Variants in IFT140 observed in about 807,000 individuals in gnomAD.
IFT140 encodes intraflagellar transport 140.
In IFT140, 133 loss-of-function variants were observed where a neutral mutation model predicts 164.6. The ratio of observed to expected loss-of-function variants is 0.81; its 90% CI spans 0.70 to 0.93. IFT140 has a LOEUF of 0.93. Among genes scored for constraint, IFT140 ranks in the 40% least tolerant of loss-of-function variants. IFT140 has a pLI of 0.00. For missense variants in IFT140, 2,045 were observed against 1,972.3 expected, an observed-to-expected ratio of 1.04 and a Z score of -0.70; for synonymous variants, 860 against 817.3, an observed-to-expected ratio of 1.05 and a Z score of -0.89.
chr16:1,558,303 G>A (rs2033218115), intron 18 of IFT140, among the ~76,000 whole-genome samples, 169 bp from the exon 19 acceptor site: 1 of 152,196 alleles, frequency 6.6e-6, no homozygotes. Context: ...AAACTTTTAG[G>A]GTCACTGGCA....
rs1359636840 is a variant in IFT140, at chr16:1,564,167, A to G, written c.1902-5T>C. 1 of 1,557,186 alleles carries G rather than the reference A, an allele frequency of 6.4e-7. No individual in the cohort carries two copies. Among genetic ancestry groups the G allele is most frequent in the African/African-American group, 1.4e-5 (1 of 73,068 alleles). Reference sequence around the variant, plus strand: ...TCATCCACAAAGAGGTGGCTCCTAAAAGACAAAGGAAGACCCGTTTCAACC... The same window carrying G: ...TCATCCACAAAGAGGTGGCTCCTAAGAGACAAAGGAAGACCCGTTTCAACC... On this transcript the variant is annotated splice_polypyrimidine_tract_variant and splice_region_variant and intron_variant, in intron 16 of 30. Transcript: ENST00000426508. The surrounding 1 kb of genome is among the most constrained non-coding windows in gnomAD (Gnocchi z 5.5).
rs374245105 is a variant in IFT140, at chr16:1,525,953, C to T, written c.2702G>A (p.Arg901His). ...CCCGGCATAGCGGTGGTAGGTGCTG[C>T]GCAGGTGCACGCGATCGTGGTGCTC... ...VAEHHDRVHL[R>H]STYHRYAGHL... Residue 901 changes from arginine to histidine, a missense_variant, in exon 21 of 31, where the codon CGC becomes CAC. Coordinates refer to ENST00000426508, the MANE Select transcript of IFT140 (RefSeq NM_014714.4). The T allele has an allele frequency of 7.6e-6, 12 of 1,579,760 alleles. No individual in the cohort carries two copies. The highest frequency in any genetic ancestry group is 5.8e-5 in the South Asian group (5 of 86,368).
rs766515079 is a variant in IFT140 at position 1,526,741 on chromosome 16, C to T, written c.2455G>A (p.Val819Met). 1.1e-5 allele frequency: 17 copies of T among 1,609,696 alleles called. No homozygotes were observed. The highest frequency in any genetic ancestry group is 8.4e-5 in the Admixed American group (5 of 59,676). The change falls in exon 20 of 31, where the codon GTG becomes ATG. Residue 819 changes from valine (V) to methionine (M), a missense_variant. Transcript: ENST00000426508. ...RMCVKTQRLD[V>M]AKVCLGNMGH... ...ATGTTCCCCAGGCACACCTTGGCCA[C>T]GTCCAGCCGCTGGGTCTTCACGCAC...
intron 19 of IFT140, chr16:1,532,769 T>A (rs2030638404): frequency 6.6e-6 from 1 of 152,182 alleles, no homozygotes. Context: ...TAGGAGACCC[T>A]CTCGTGGTGT....
chr16:1,518,939 C>G (rs573438247), intron 29 of IFT140, among the ~76,000 whole-genome samples: 2 of 152,256 alleles, frequency 1.3e-5, no homozygotes, highest in East Asian at 3.9e-4. Flanking sequence ...CAGGGCCCAT[C>G]TGGCCACCCA....
At chr16:1,572,473 C>T (rs921294216) in intron 13 of IFT140, among the ~76,000 whole-genome samples, 4 of 152,048 alleles carry the variant, frequency 2.6e-5, no homozygotes, top group South Asian at 2.1e-4. Flanking sequence ...GGTGAAACCC[C>T]GTCTCTACTA....
intron 26 of IFT140, among the ~76,000 whole-genome samples, chr16:1,521,207 A>G (rs535531333): frequency 1.5e-4 from 23 of 150,776 alleles, no homozygotes; most frequent in African/African-American, 5.6e-4. Flanking sequence ...CCACCTCCCC[A>G]GGGTCAGGTG....
Position 1,573,858 on chromosome 16 carries a change from A to T in IFT140, c.1525-2324T>A, listed in dbSNP as rs147865664. 1.6e-3 allele frequency among the ~76,000 whole-genome samples: 244 copies of T among 152,304 alleles called. 1 individual carries two copies. Among genetic ancestry groups the T allele is most frequent in the African/African-American group, 5.5e-3 (230 of 41,552 alleles). On this transcript the variant is annotated intron_variant, in intron 13 of 30. Coordinates refer to ENST00000426508, the MANE Select transcript of IFT140 (RefSeq NM_014714.4). Reference sequence around the variant, plus strand: ...ACTTTCTAGGGAGAAAATAACACAAAGCCAAGAAAATAAGTCAAAATTGGG... The same window carrying T: ...ACTTTCTAGGGAGAAAATAACACAATGCCAAGAAAATAAGTCAAAATTGGG...
intron 19 of IFT140, among the ~76,000 whole-genome samples, chr16:1,549,321 T>C (rs973284180): frequency 6.6e-6 from 1 of 152,286 alleles, no homozygotes; most frequent in East Asian, 1.9e-4. Flanking sequence ...CATCTGCTTC[T>C]GTGGCAACAA....
chr16:1,513,346 C>CA (rs2040231953), intron 30 of IFT140: 3 of 152,026 alleles, frequency 2.0e-5, no homozygotes, highest in Admixed American at 6.6e-5. Flanking sequence ...TAAATAAATA[C>CA]AAAAATTAGC....
At chr16:1,583,834 T>G (rs2034714336) in intron 11 of IFT140, among the ~76,000 whole-genome samples, 2 of 152,132 alleles carry the variant, frequency 1.3e-5, no homozygotes, top group African/African-American at 4.8e-5. Flanking sequence ...AACCTCCACC[T>G]CCTGGGTTCA....
chr16:1,610,491 G>A (rs2036281992), intron 2 of IFT140, 173 bp downstream of exon 2: 1 of 154,084 alleles, frequency 6.5e-6, no homozygotes, highest in African/African-American at 2.4e-5. Flanking sequence ...CCCGCGCCAA[G>A]CCCGCCCCAG....
chr16:1,557,821 G>T, intron 19 of IFT140, 114 bp downstream of exon 19: 2 of 983,144 alleles, frequency 2.0e-6, no homozygotes, highest in Non-Finnish European at 3.1e-6. Flanking sequence ...ACACCATGAC[G>T]CAGTCATGAG....
intron 16 of IFT140, among the ~76,000 whole-genome samples, chr16:1,565,098 G>A (rs2033637349): frequency 6.6e-6 from 1 of 152,158 alleles, no homozygotes; most frequent in African/African-American, 2.4e-5. Flanking sequence ...GAACTCAGAG[G>A]CTCCCACAGC....
chr16:1,539,655 G>C (rs1464279640), intron 19 of IFT140, among the ~76,000 whole-genome samples: 1 of 152,266 alleles, frequency 6.6e-6, no homozygotes, highest in Non-Finnish European at 1.5e-5. Context: ...GAAGGAACGT[G>C]AGCTCTCAGT....
chr16:1,525,975 G>A lies in IFT140; in HGVS notation c.2680C>T (p.His894Tyr), dbSNP rs1057250051. Reference sequence around the variant, plus strand: ...CTGCGCAGGTGCACGCGATCGTGGTGCTCGGCTACCTGGAGGGCCTCCTGC... The same window carrying A: ...CTGCGCAGGTGCACGCGATCGTGGTACTCGGCTACCTGGAGGGCCTCCTGC... The part of the protein sequence containing the change: ...RWQEALQVAE[H>Y]HDRVHLRSTY... The change falls in exon 21 of 31, where the codon CAC becomes TAC. Residue 894 changes from histidine (H) to tyrosine (Y), a missense_variant. Transcript: ENST00000426508. 5 of 1,591,776 alleles carry A rather than the reference G, an allele frequency of 3.1e-6. No individual in the cohort carries two copies. Among genetic ancestry groups the A allele is most frequent in the Non-Finnish European group, 4.3e-6 (5 of 1,170,226 alleles).
chr16:1,548,870 C>G (rs1473686498), intron 19 of IFT140, among the ~76,000 whole-genome samples: 1 of 152,246 alleles, frequency 6.6e-6, no homozygotes, highest in African/African-American at 2.4e-5. Context: ...ACAGGCGCCT[C>G]TGCATTTCCG....
At chr16:1,588,136 G>C (rs2034990427) in intron 7 of IFT140, 112 bp from the exon 8 acceptor site, 1 of 778,730 alleles carries the variant, frequency 1.3e-6, no homozygotes, top group Non-Finnish European at 2.1e-6. Flanking sequence ...CTCACCAAGT[G>C]GGGGAAACAT....
chr16:1,548,992 C>A, intron 19 of IFT140, among the ~76,000 whole-genome samples: 1 of 152,334 alleles, frequency 6.6e-6, no homozygotes, highest in East Asian at 1.9e-4. Context: ...TCTGGGCCAC[C>A]GTCCTCCGCA....
Sources: allele counts gnomAD v4.1 joint callset (sites outside exome capture counted in the v4.1 genomes callset), GRCh38; gene constraint gnomAD v4.1.1; non-coding constraint Gnocchi (gnomAD v3.1); transcripts MANE v1.5; gene names NCBI Gene and HGNC (gene_info 2026-07-23, HGNC 2026-07-21).